Variants in PPFIBP2 observed in about 807,000 individuals in gnomAD.
The protein encoded by PPFIBP2 is liprin-beta-2.
A neutral mutation model predicts 118.3 loss-of-function variants in PPFIBP2; 118 were observed. The observed-to-expected ratio is 1.00, with a 90% CI of 0.86 to 1.16. PPFIBP2 has a LOEUF of 1.16. Among genes scored for constraint, PPFIBP2 ranks in the 50% most tolerant of loss-of-function variants. The pLI, the probability that PPFIBP2 is intolerant of heterozygous loss-of-function variation, is 0.00. For missense variants in PPFIBP2, 1,195 were observed against 1,073.1 expected (o/e 1.11, Z -1.59); for synonymous variants, 414 against 397.4 (o/e 1.04, Z -0.50).
intron 1 of PPFIBP2, among the ~76,000 whole-genome samples, chr11:7,541,977 T>C (rs569683919): frequency 1.3e-5 from 2 of 152,296 alleles, no homozygotes; most frequent in East Asian, 3.9e-4. Flanking sequence ...AACATCTAAT[T>C]CATTACGGTC....
At chr11:7,551,120 G>T (rs1034973047) in intron 2 of PPFIBP2, among the ~76,000 whole-genome samples, 1 of 152,012 alleles carries the variant, frequency 6.6e-6, no homozygotes, top group African/African-American at 2.4e-5. Flanking sequence ...CTAGGTTAGG[G>T]TCTCTGATGC....
intron 4 of PPFIBP2, 65 bp from the exon 5 acceptor site, chr11:7,597,495 G>A (rs1377688270): frequency 6.5e-7 from 1 of 1,545,580 alleles, no homozygotes; most frequent in Non-Finnish European, 8.8e-7. Context: ...CCCCTGAGGT[G>A]GGGAGGCTTT....
intron 2 of PPFIBP2, among the ~76,000 whole-genome samples, chr11:7,551,032 T>C (rs1047706260): frequency 3.3e-5 from 5 of 152,064 alleles, no homozygotes; most frequent in Non-Finnish European, 7.4e-5. Context: ...CCCCTTTATA[T>C]CTATATCTAT....
intron 17 of PPFIBP2, among the ~76,000 whole-genome samples, chr11:7,644,951 C>T (rs949674485): frequency 2.7e-4 from 36 of 132,486 alleles, no homozygotes; most frequent in Non-Finnish European, 4.3e-4. Flanking sequence ...GGCGTGAACC[C>T]GGGAGGCGGA....
intron 6 of PPFIBP2, among the ~76,000 whole-genome samples, chr11:7,613,829 A>C (rs1356443951): frequency 1.3e-5 from 2 of 152,208 alleles, no homozygotes; most frequent in African/African-American, 2.4e-5. Flanking sequence ...GCAGCCTGTT[A>C]AGAAGGGAGC....
At chr11:7,596,169 T>C (rs1860252014) in intron 4 of PPFIBP2, among the ~76,000 whole-genome samples, 1 of 152,294 alleles carries the variant, frequency 6.6e-6, no homozygotes, top group African/African-American at 2.4e-5. Context: ...GTATAGACCA[T>C]AGAAATGTTT....
the PPFIBP2 span, chr11:7,666,427 G>A: frequency 6.8e-7 from 1 of 1,480,592 alleles, no homozygotes; most frequent in Non-Finnish European, 9.4e-7. Context: ...GACCCATGGT[G>A]AGTGAGGGCA....
chr11:7,617,323 C>T (rs984236657), intron 6 of PPFIBP2: 2 of 984,092 alleles, frequency 2.0e-6, no homozygotes, highest in African/African-American at 3.5e-5. Context: ...TATATCAGAG[C>T]ATGCGTGTGT....
chr11:7,519,868 C>T (rs115022554), intron 1 of PPFIBP2, among the ~76,000 whole-genome samples: 1,535 of 152,186 alleles, frequency 0.01, 35 homozygotes, highest in African/African-American at 0.035. Flanking sequence ...CAAAAGAGGC[C>T]GAGCACGTTT....
chr11:7,583,797 C>T (rs1024980754), intron 3 of PPFIBP2, among the ~76,000 whole-genome samples: 2 of 152,196 alleles, frequency 1.3e-5, no homozygotes, highest in African/African-American at 4.8e-5. Flanking sequence ...TCAGGGTGTC[C>T]TGTGTTTGCT....
intron 1 of PPFIBP2, among the ~76,000 whole-genome samples, chr11:7,539,790 A>G (rs907595139): frequency 2.6e-5 from 4 of 152,176 alleles, no homozygotes; most frequent in African/African-American, 9.7e-5. Flanking sequence ...TTGAGCAGGT[A>G]GAACGAAGGA....
chr11:7,553,924 C>T (rs576869667), intron 2 of PPFIBP2, among the ~76,000 whole-genome samples: 1 of 152,268 alleles, frequency 6.6e-6, no homozygotes, highest in Non-Finnish European at 1.5e-5. Context: ...CTTTTCTGCT[C>T]TTGCTCACAA....
intron 1 of PPFIBP2, among the ~76,000 whole-genome samples, chr11:7,520,333 T>TTCCGGCTGGGTATC (rs1849638176): frequency 6.6e-6 from 1 of 152,098 alleles, no homozygotes; most frequent in Admixed American, 6.5e-5. Context: ...GGGTGGGTAT[T>TTCCGGCTGGGTATC]TTCCGGCTGG....
intron 17 of PPFIBP2, 71 bp from the exon 18 acceptor site, chr11:7,648,314 TTG>T (rs1853427654): frequency 6.8e-7 from 1 of 1,476,506 alleles, no homozygotes; most frequent in Non-Finnish European, 9.2e-7. Context: ...TTTCTTTTGT[TTG>T]TGAGACATGA....
chr11:7,597,737 T>C, intron 5 of PPFIBP2, 64 bp downstream of exon 5: 3 of 1,314,346 alleles, frequency 2.3e-6, no homozygotes, highest in Non-Finnish European at 2.2e-6. Context: ...AGCCCCTTTG[T>C]GTGCCCAGGC....
intron 5 of PPFIBP2, among the ~76,000 whole-genome samples, chr11:7,600,807 T>C (rs1048648517): frequency 6.6e-6 from 1 of 152,234 alleles, no homozygotes; most frequent in East Asian, 1.9e-4. Flanking sequence ...ATGCTAGATA[T>C]TCTCATTTTT....
intron 13 of PPFIBP2, 82 bp from the exon 14 acceptor site, chr11:7,635,469 AG>A: frequency 3.8e-6 from 5 of 1,329,854 alleles, no homozygotes; most frequent in Non-Finnish European, 5.4e-6. Flanking sequence ...TTAAGCAAAC[AG>A]GTAGTCCTGA....
chr11:7,608,663 A>G (rs1565049083), intron 5 of PPFIBP2, among the ~76,000 whole-genome samples: 1 of 152,182 alleles, frequency 6.6e-6, no homozygotes, highest in Admixed American at 6.5e-5. Context: ...AAACAAACAA[A>G]CAAAAATAAC....
chr11:7,544,211 G>A lies in PPFIBP2; in HGVS notation c.-36-5229G>A, dbSNP rs369277801. Among the ~76,000 whole-genome samples the A allele has an allele frequency of 7.9e-5, 12 of 152,284 alleles. No individual in the cohort carries two copies. In the South Asian group the frequency reaches 2.3e-3, roughly 29 times the overall value. On this transcript the variant is annotated intron_variant, in intron 1 of 23. Coordinates refer to ENST00000299492, the MANE Select transcript of PPFIBP2 (RefSeq NM_003621.5). ...TCTTTATGGCCAGGGATGAGACAGT[G>A]TCTCAGTATCAGAAGCCAGCCTGCT... is the stretch of plus-strand genomic sequence containing the variant.
Sources: gnomAD v4.1 joint callset for allele counts (sites outside exome capture counted in the v4.1 genomes callset) on GRCh38, gnomAD v4.1.1 for gene constraint, MANE v1.5 for transcripts, NCBI Gene and HGNC (gene_info 2026-07-23, HGNC 2026-07-21) for gene names.